MBNL2: variants seen among roughly 807,000 people sequenced by gnomAD.
MBNL2 encodes the protein muscleblind-like protein 2.
MBNL2 carries 17 observed loss-of-function variants against 41.9 expected under a neutral mutation model. That is an observed-to-expected ratio of 0.41 (90% CI 0.28 to 0.61). The LOEUF is 0.61. Ranked by LOEUF, MBNL2 falls within the 20% of genes least tolerant of loss-of-function variation. MBNL2 has a pLI of 0.35. For synonymous variants in MBNL2, 195 were observed against 182.9 expected, an observed-to-expected ratio of 1.07 and a Z score of -0.53; for missense variants, 336 against 505.6, an observed-to-expected ratio of 0.66 and a Z score of 3.22.
chr13:97,376,246 C>T (rs1398037950), intron 8 of MBNL2, among the ~76,000 whole-genome samples: 1 of 152,186 alleles, frequency 6.6e-6, no homozygotes, highest in Non-Finnish European at 1.5e-5. Flanking sequence ...TGCCTTTGCT[C>T]ACCCAGAGGC....
At chr13:97,353,796 C>A (rs1031174840) in intron 5 of MBNL2, among the ~76,000 whole-genome samples, 13 of 152,088 alleles carry the variant, frequency 8.5e-5, no homozygotes, top group Admixed American at 1.3e-4. Context: ...AAGGAAAGAA[C>A]CATTTTGCAA....
In MBNL2 at chr13:97,357,058, A is replaced by C. The variant is rs1376344815; in HGVS notation, c.858+209A>C. On this transcript the variant is annotated intron_variant, in intron 6 of 8. Coordinates refer to ENST00000679496, the MANE Select transcript of MBNL2 (RefSeq NM_001382683.1). ...TTTAATACCTTTTCCAAAAGAGTGA[A>C]GCAAATTTAAATTATTTGACTCAGA... Among the ~76,000 whole-genome samples the C allele has an allele frequency of 2.0e-5, 3 of 152,356 alleles. No homozygotes were observed. The South Asian group carries it at 6.2e-4, about 32-fold the overall frequency.
chr13:97,287,939 G>GTTTTTT (rs139487015), intron 2 of MBNL2, among the ~76,000 whole-genome samples: 18 of 113,990 alleles, frequency 1.6e-4, no homozygotes, highest in South Asian at 5.6e-4. Flanking sequence ...GTTTTGTTTT[G>GTTTTTT]TTTTTTTTTT....
intron 1 of MBNL2, among the ~76,000 whole-genome samples, chr13:97,257,582 A>G (rs978818430): frequency 1.3e-5 from 2 of 152,252 alleles, no homozygotes; most frequent in African/African-American, 4.8e-5. Context: ...AGCTAACAGG[A>G]CAGTGTTTAG....
intron 1 of MBNL2, among the ~76,000 whole-genome samples, chr13:97,230,439 T>C (rs2042225055): frequency 6.6e-6 from 1 of 152,212 alleles, no homozygotes; most frequent in Non-Finnish European, 1.5e-5. Context: ...CTCATAAACA[T>C]TTGACAATGT....
chr13:97,372,873 A>G (rs2064522241), intron 8 of MBNL2, among the ~76,000 whole-genome samples: 1 of 152,226 alleles, frequency 6.6e-6, no homozygotes, highest in Non-Finnish European at 1.5e-5. Flanking sequence ...AGTTTTATAA[A>G]ACATCTATTA....
At chr13:97,290,698 A>AAG (rs1325652984) in intron 2 of MBNL2, among the ~76,000 whole-genome samples, 1 of 151,528 alleles carries the variant, frequency 6.6e-6, no homozygotes, top group Non-Finnish European at 1.5e-5. Flanking sequence ...AAAAAAAAAA[A>AAG]AAAGAAAGAA....
chr13:97,310,188 G>C (rs967526142), intron 2 of MBNL2, among the ~76,000 whole-genome samples: 1 of 152,100 alleles, frequency 6.6e-6, no homozygotes, highest in Non-Finnish European at 1.5e-5. Flanking sequence ...GTTAGTTCCG[G>C]CTCTGACTCC....
chr13:97,187,872 G>A, the MBNL2 span, among the ~76,000 whole-genome samples: 4 of 148,188 alleles, frequency 2.7e-5, no homozygotes, highest in Admixed American at 2.0e-4. Flanking sequence ...TCGCGCCACC[G>A]CACTCCAGCC....
At chr13:97,341,665 C>T (rs2061452138) in intron 3 of MBNL2, among the ~76,000 whole-genome samples, 1 of 152,166 alleles carries the variant, frequency 6.6e-6, no homozygotes, top group Admixed American at 6.5e-5. Flanking sequence ...ACCATTAGAA[C>T]CACCCCTTCT....
intron 2 of MBNL2, among the ~76,000 whole-genome samples, chr13:97,321,184 C>T (rs926887072): frequency 6.6e-6 from 1 of 152,238 alleles, no homozygotes; most frequent in South Asian, 2.1e-4. Flanking sequence ...GGCCTTGTCA[C>T]AGTATATTTA....
chr13:97,360,414 CT>C (rs901181404), intron 7 of MBNL2, among the ~76,000 whole-genome samples: 8 of 151,328 alleles, frequency 5.3e-5, no homozygotes, highest in South Asian at 2.1e-4. Context: ...TGGGAGTTTT[CT>C]TTTTTTTTCT....
the MBNL2 span, among the ~76,000 whole-genome samples, chr13:97,211,680 AG>A: frequency 6.6e-6 from 1 of 152,202 alleles, no homozygotes; most frequent in Non-Finnish European, 1.5e-5. Context: ...TCCAGCTGGA[AG>A]GCAAAATAAT....
At chr13:97,158,818 A>G in the MBNL2 span, among the ~76,000 whole-genome samples, 1 of 151,980 alleles carries the variant, frequency 6.6e-6, no homozygotes, top group Non-Finnish European at 1.5e-5. Context: ...ACTTCCAACT[A>G]TGTGGTCAAG....
intron 1 of MBNL2, among the ~76,000 whole-genome samples, chr13:97,234,168 C>T (rs981355821): frequency 6.6e-6 from 1 of 152,160 alleles, no homozygotes; most frequent in Non-Finnish European, 1.5e-5. Flanking sequence ...TTAGAAAATT[C>T]TTCCTCATGC....
chr13:97,273,396 C>A (rs1198009862), intron 1 of MBNL2, among the ~76,000 whole-genome samples: 2 of 152,144 alleles, frequency 1.3e-5, no homozygotes, highest in Admixed American at 6.6e-5. Flanking sequence ...TGAAACCCAA[C>A]CCATATTAAA....
chr13:97,217,950 G>A (rs1192406003), upstream of MBNL2, among the ~76,000 whole-genome samples: 1 of 152,184 alleles, frequency 6.6e-6, no homozygotes, highest in Non-Finnish European at 1.5e-5. Context: ...CCATTTGGTT[G>A]TTGGTGATGA....
chr13:97,170,537 G>T, the MBNL2 span, among the ~76,000 whole-genome samples: 1 of 152,096 alleles, frequency 6.6e-6, no homozygotes, highest in African/African-American at 2.4e-5. Flanking sequence ...AAGGAAGTTT[G>T]GGGGTGGCTA....
chr13:97,182,471 A>G, the MBNL2 span, among the ~76,000 whole-genome samples: 2 of 152,142 alleles, frequency 1.3e-5, no homozygotes, highest in African/African-American at 2.4e-5. Flanking sequence ...ACTATCTTAT[A>G]TGGTGCATAT....
Sources: allele counts gnomAD v4.1 joint callset (sites outside exome capture counted in the v4.1 genomes callset), GRCh38; gene constraint gnomAD v4.1.1; transcripts MANE v1.5; gene names NCBI Gene and HGNC (gene_info 2026-07-23, HGNC 2026-07-21).